RIT2: variants seen among roughly 807,000 people sequenced by gnomAD.
RIT2 encodes the protein Ras like without CAAX 2, also known as GTP-binding protein Rit2.
RIT2 carries 24 observed loss-of-function variants against 23.7 expected under a neutral mutation model. The observed-to-expected ratio is 1.01, with a 90% CI of 0.73 to 1.43. The LOEUF (loss-of-function observed/expected upper bound fraction) is 1.43. Ranked by LOEUF, RIT2 falls within the 40% of genes most tolerant of loss-of-function variation. The probability of loss-of-function intolerance (pLI) is 0.00; values close to 1 mark genes in which losing one functional copy is unlikely to be tolerated. For missense variants in RIT2, 236 were observed against 266.9 expected, an observed-to-expected ratio of 0.88 and a Z score of 0.81; for synonymous variants, 107 against 91.1, an observed-to-expected ratio of 1.17 and a Z score of -0.99.
At chr18:42,744,283 TCACATGGACG>T (rs1912867945) in intron 4 of RIT2, among the ~76,000 whole-genome samples, 1 of 152,202 alleles carries the variant, frequency 6.6e-6, no homozygotes, top group African/African-American at 2.4e-5. Flanking sequence ...GGTGGTCTCT[TCACATGGACG>T]CACATGAAAC....
chr18:42,842,389 T>C (rs149078996), intron 4 of RIT2, among the ~76,000 whole-genome samples: 1 of 152,308 alleles, frequency 6.6e-6, no homozygotes, highest in Non-Finnish European at 1.5e-5. Context: ...ATGGTGCAAA[T>C]GTAAATTACT....
At chr18:42,847,327 T>C (rs904068166) in intron 4 of RIT2, among the ~76,000 whole-genome samples, 27 of 152,138 alleles carry the variant, frequency 1.8e-4, no homozygotes, top group African/African-American at 4.8e-5. Context: ...GTCCTGGGGC[T>C]CTACTTAATG....
chr18:42,977,195 T>C (rs1350841511), intron 2 of RIT2, among the ~76,000 whole-genome samples: 1 of 152,058 alleles, frequency 6.6e-6, no homozygotes, highest in Non-Finnish European at 1.5e-5. Context: ...TCATTTATGG[T>C]CTTATTCATG....
chr18:43,091,045 A>G (rs1053531981), intron 1 of RIT2, among the ~76,000 whole-genome samples: 1 of 152,080 alleles, frequency 6.6e-6, no homozygotes, highest in South Asian at 2.1e-4. Context: ...AATAAAAGTT[A>G]ATAAGAAGAA....
chr18:42,922,720 T>G (rs1467625434), intron 4 of RIT2, among the ~76,000 whole-genome samples: 3 of 152,188 alleles, frequency 2.0e-5, no homozygotes, highest in Admixed American at 1.3e-4. Context: ...GAATGAACTA[T>G]GTAAGTTACG....
chr18:42,859,496 G>A (rs1382165510), intron 4 of RIT2, among the ~76,000 whole-genome samples: 1 of 152,010 alleles, frequency 6.6e-6, no homozygotes, highest in Admixed American at 6.6e-5. Flanking sequence ...TTCTTTCATT[G>A]TGCAGGTTTT....
chr18:43,049,152 T>C (rs1160743810), intron 1 of RIT2, among the ~76,000 whole-genome samples: 1 of 152,188 alleles, frequency 6.6e-6, no homozygotes, highest in African/African-American at 2.4e-5. Flanking sequence ...AAACCAGCAC[T>C]GACGGACATG....
intron 1 of RIT2, among the ~76,000 whole-genome samples, chr18:43,077,319 A>G (rs1321894665): frequency 2.0e-5 from 3 of 152,194 alleles, no homozygotes; most frequent in Non-Finnish European, 2.9e-5. Flanking sequence ...TTATAAAGAA[A>G]TCCATCTATT....
At chr18:42,818,950 T>A (rs1906070978) in intron 4 of RIT2, among the ~76,000 whole-genome samples, 1 of 152,082 alleles carries the variant, frequency 6.6e-6, no homozygotes, top group African/African-American at 2.4e-5. Context: ...AATATGTTCC[T>A]ATTCCTTTCT....
intron 4 of RIT2, among the ~76,000 whole-genome samples, chr18:42,817,378 ATAAT>A (rs1001580454): frequency 2.6e-5 from 4 of 152,190 alleles, no homozygotes; most frequent in African/African-American, 9.6e-5. Context: ...TTGATCTGTA[ATAAT>A]TAGTTTCACA....
At chr18:42,839,580 G>C (rs972503808) in intron 4 of RIT2, among the ~76,000 whole-genome samples, 1 of 152,168 alleles carries the variant, frequency 6.6e-6, no homozygotes, top group East Asian at 1.9e-4. Flanking sequence ...ATGTAACAAA[G>C]TCCTGTCTTC....
intron 3 of RIT2, among the ~76,000 whole-genome samples, chr18:42,946,007 G>T (rs1303038810): frequency 6.6e-6 from 1 of 152,002 alleles, no homozygotes; most frequent in Non-Finnish European, 1.5e-5. Flanking sequence ...TTTAAAAAAG[G>T]TCATACAAAG....
At chr18:42,908,108 GA>G (rs1458719477) in intron 4 of RIT2, among the ~76,000 whole-genome samples, 2 of 150,338 alleles carry the variant, frequency 1.3e-5, no homozygotes, top group African/African-American at 2.4e-5. Context: ...AGAAATTGTG[GA>G]AATGAAAAAC....
At chr18:42,947,868 T>C (rs1453479971) in intron 3 of RIT2, among the ~76,000 whole-genome samples, 2 of 152,120 alleles carry the variant, frequency 1.3e-5, no homozygotes, top group East Asian at 3.9e-4. Context: ...TGTATATGTT[T>C]CTTCCCCTAG....
intron 2 of RIT2, among the ~76,000 whole-genome samples, chr18:42,984,734 A>C (rs891117850): frequency 6.6e-6 from 1 of 152,060 alleles, no homozygotes; most frequent in Non-Finnish European, 1.5e-5. Flanking sequence ...AAAACTCCAA[A>C]TTTCAAAAAG....
At chr18:43,102,875 G>A (rs1913721154) in intron 1 of RIT2, among the ~76,000 whole-genome samples, 1 of 151,878 alleles carries the variant, frequency 6.6e-6, no homozygotes, top group Admixed American at 6.6e-5. Flanking sequence ...GCTGGTCTCG[G>A]ACTCCTGGCC....
At chr18:42,981,727 T>A (rs562524714) in intron 2 of RIT2, among the ~76,000 whole-genome samples, 47 of 151,992 alleles carry the variant, frequency 3.1e-4, no homozygotes, top group South Asian at 2.9e-3. Flanking sequence ...TTGAGAAAAA[T>A]ATATAAATAT....
chr18:42,964,137 G>T (rs747976784), intron 3 of RIT2, among the ~76,000 whole-genome samples: 6 of 152,036 alleles, frequency 3.9e-5, no homozygotes, highest in Non-Finnish European at 8.8e-5. Flanking sequence ...GTTGCAGCGA[G>T]CCGAGATTGT....
At chr18:43,104,924 G>A (rs187894992) in intron 1 of RIT2, among the ~76,000 whole-genome samples, 1 of 152,090 alleles carries the variant, frequency 6.6e-6, no homozygotes, top group South Asian at 2.1e-4. Context: ...GAGAATGGAA[G>A]ACATGTCATA....
Sources: gnomAD v4.1 joint callset for allele counts (sites outside exome capture counted in the v4.1 genomes callset) on GRCh38, gnomAD v4.1.1 for gene constraint, MANE v1.5 for transcripts, NCBI Gene and HGNC (gene_info 2026-07-23, HGNC 2026-07-21) for gene names.